CSMD2: variants seen among roughly 807,000 people sequenced by gnomAD.
The protein encoded by CSMD2 is CUB and Sushi multiple domains 2.
In CSMD2, 130 loss-of-function variants were observed where a neutral mutation model predicts 398.5. That is an observed-to-expected ratio of 0.33 (90% confidence interval 0.28 to 0.38). CSMD2 has a LOEUF of 0.38. Among genes scored for constraint, CSMD2 ranks in the 10% least tolerant of loss-of-function variants. CSMD2 has a pLI of 1.00. For synonymous variants in CSMD2, 1,828 were observed against 1,908.5 expected (o/e 0.96, Z 1.10); for missense variants, 3,829 against 4,764.9 (o/e 0.80, Z 5.78).
chr1:33,893,051 T>C (rs1349095699), intron 5 of CSMD2, among the ~76,000 whole-genome samples: 2 of 152,238 alleles, frequency 1.3e-5, no homozygotes, highest in Admixed American at 1.3e-4. Flanking sequence ...GTATAATAAA[T>C]TGATGATGCT....
In CSMD2 at chr1:33,639,399, T is replaced by C. The variant is rs953103953; in HGVS notation, c.4775-2845A>G. Among the ~76,000 whole-genome samples, 4 of 152,256 alleles carry C rather than the reference T, an allele frequency of 2.6e-5. No homozygotes were observed. In the South Asian group the frequency reaches 8.3e-4, roughly 31 times the overall value. On this transcript the variant is annotated intron_variant, in intron 29 of 70. Transcript: ENST00000373381. ...ACTTTACAGATGTCAGAATGTCCTT[T>C]CTTTCCTTATTTGTGTGGCAAAATC... is the stretch of plus-strand genomic sequence containing the variant.
At chr1:33,678,313 TAAA>T (rs5773424) in intron 25 of CSMD2, among the ~76,000 whole-genome samples, 50 of 140,916 alleles carry the variant, frequency 3.5e-4, no homozygotes, top group African/African-American at 1.1e-3. Context: ...CTTTATAAAT[TAAA>T]AAAAAAAAAA....
intron 3 of CSMD2, among the ~76,000 whole-genome samples, chr1:34,015,988 G>C (rs1648040019): frequency 6.6e-6 from 1 of 151,196 alleles, no homozygotes; most frequent in Non-Finnish European, 1.5e-5. Context: ...TTTGAAAGAT[G>C]CCCATTTACA....
At chr1:33,611,744 TAA>T (rs1641021429) in intron 40 of CSMD2, among the ~76,000 whole-genome samples, 2 of 152,314 alleles carry the variant, frequency 1.3e-5, no homozygotes, top group South Asian at 4.1e-4. Flanking sequence ...AGAAGCCAAA[TAA>T]AGTTTCTACT....
At chr1:33,881,665 T>C (rs1641248550) in intron 5 of CSMD2, among the ~76,000 whole-genome samples, 1 of 152,190 alleles carries the variant, frequency 6.6e-6, no homozygotes, top group Non-Finnish European at 1.5e-5. Flanking sequence ...GAAAATTTGT[T>C]CCTAATCCTG....
chr1:33,737,876 A>G (rs930836340), intron 15 of CSMD2, among the ~76,000 whole-genome samples: 5 of 152,150 alleles, frequency 3.3e-5, no homozygotes, highest in African/African-American at 1.2e-4. Context: ...CTTACTTTAT[A>G]CCAGGACTGC....
At chr1:33,520,014 C>T (rs540430906) in intron 68 of CSMD2, 64 bp from the exon 69 acceptor site, 2 of 1,581,448 alleles carry the variant, frequency 1.3e-6, no homozygotes, top group Admixed American at 3.4e-5. Flanking sequence ...GTTGGCTACC[C>T]TCCCCGACTA....
At chr1:33,720,989 C>T (rs955816845) in intron 19 of CSMD2, among the ~76,000 whole-genome samples, 5 of 152,170 alleles carry the variant, frequency 3.3e-5, no homozygotes, top group South Asian at 2.1e-4. Context: ...CATGAGCCAC[C>T]GTGCCTGGCC....
At chr1:33,860,429 T>G (rs1639407499) in intron 5 of CSMD2, 2 of 152,216 alleles carry the variant, frequency 1.3e-5, no homozygotes. Context: ...TTCTGTGATC[T>G]CAACATGACC....
At chr1:33,592,148 T>C in intron 44 of CSMD2, 1 of 482,288 alleles carries the variant, frequency 2.1e-6, no homozygotes, top group Admixed American at 3.5e-5. Context: ...GCAGCCAGAC[T>C]TCACAAAGGT....
Position 33,602,486 on chromosome 1 carries a change from C to G in CSMD2, c.6593G>C (p.Ser2198Thr), listed in dbSNP as rs1185145091. The change falls in exon 43 of 71, where the codon AGC (serine) becomes ACC (threonine). Residue 2198 changes from serine (S) to threonine (T), a missense_variant. By Grantham distance (58) the Ser-to-Thr change is moderately conservative (BLOSUM62 1). This residue lies in a region of CSMD2 where 723 missense variants were observed against 758.6 expected (regional missense o/e 0.95). Transcript: ENST00000373381. ...ACAGTCCTGGGAGCTGGAGTACGGG[C>G]TAGGGAACCCCGGGGAGTACACAGT... ...NGTVYSPGFP[S>T]PYSSSQDCVW... 6.2e-7 allele frequency: 1 copy of G among 1,613,510 alleles called. No individual in the cohort carries two copies. The highest frequency in any genetic ancestry group is 1.7e-5 in the Admixed American group (1 of 59,968).
intron 26 of CSMD2, among the ~76,000 whole-genome samples, chr1:33,660,170 C>T (rs1364863249): frequency 1.3e-5 from 2 of 152,188 alleles, no homozygotes; most frequent in African/African-American, 4.8e-5. Flanking sequence ...AACTAGATGA[C>T]CTTGTATGAG....
In CSMD2 at chr1:33,586,625, A is replaced by G; in HGVS notation, c.6938-8T>C. ...TGTAGCGTACGATGTCACCTGTCAA[A>G]GAAAGACCAACATGTAGACCCTCTT... On this transcript the variant is annotated splice_polypyrimidine_tract_variant and splice_region_variant and intron_variant, in intron 45 of 70. Coordinates refer to ENST00000373381, the MANE Select transcript of CSMD2 (RefSeq NM_001281956.2). The G allele has an allele frequency of 6.4e-7, 1 of 1,572,302 alleles. No homozygotes were observed. Among genetic ancestry groups the G allele is most frequent in the Non-Finnish European group, 8.8e-7 (1 of 1,142,232 alleles).
intron 56 of CSMD2, 145 bp from the exon 57 acceptor site, chr1:33,546,364 C>T (rs962053245): frequency 2.7e-5 from 20 of 733,460 alleles, no homozygotes; most frequent in Admixed American, 5.9e-5. Flanking sequence ...TGCACATGCT[C>T]CTGCCTCCAT....
At chr1:33,684,017 T>C (rs2149075021) in intron 25 of CSMD2, among the ~76,000 whole-genome samples, 1 of 152,330 alleles carries the variant, frequency 6.6e-6, no homozygotes, top group Non-Finnish European at 1.5e-5. Context: ...TCACTTCTGG[T>C]GCCTTCTGCC....
intron 1 of CSMD2, among the ~76,000 whole-genome samples, chr1:34,120,999 T>C (rs373524719): frequency 1.3e-5 from 2 of 152,340 alleles, no homozygotes; most frequent in South Asian, 2.1e-4. Context: ...TACTAACGTA[T>C]TTGTTTATTT....
chr1:34,121,994 G>GTTT (rs35586514), intron 1 of CSMD2, among the ~76,000 whole-genome samples: 11 of 142,702 alleles, frequency 7.7e-5, no homozygotes, highest in Admixed American at 3.5e-4. Flanking sequence ...AATTTTTCTG[G>GTTT]TTTTTTTTTT....
intron 53 of CSMD2, among the ~76,000 whole-genome samples, chr1:33,564,994 T>C (rs1658921368): frequency 6.6e-6 from 1 of 152,096 alleles, no homozygotes; most frequent in South Asian, 2.1e-4. Context: ...GAATAAATAA[T>C]AGAAAACCCA....
intron 62 of CSMD2, 140 bp downstream of exon 62, chr1:33,536,882 C>T: frequency 1.3e-6 from 1 of 743,984 alleles, no homozygotes; most frequent in Non-Finnish European, 2.3e-6. Context: ...TTCAAAGAGG[C>T]AGAGGGCTTT....
Sources: gnomAD v4.1 joint callset for allele counts (sites outside exome capture counted in the v4.1 genomes callset) on GRCh38, gnomAD v4.1.1 for gene constraint, gnomAD v4.1.1 regional missense constraint, MANE v1.5 for transcripts, NCBI Gene and HGNC (gene_info 2026-07-23, HGNC 2026-07-21) for gene names.